Variants in PPP2R2B observed in about 807,000 individuals in gnomAD.
The protein encoded by PPP2R2B is protein phosphatase 2 regulatory subunit Bbeta, also known as serine/threonine-protein phosphatase 2A 55 kDa regulatory subunit B beta isoform.
In PPP2R2B, 5 loss-of-function variants were observed where a neutral mutation model predicts 46.0. The ratio of observed to expected loss-of-function variants is 0.11; its 90% CI spans 0.06 to 0.23. The LOEUF is 0.23. Ranked by LOEUF, PPP2R2B falls within the 10% of genes least tolerant of loss-of-function variation. PPP2R2B has a pLI of 1.00. For missense variants in PPP2R2B, 367 were observed against 575.0 expected, an observed-to-expected ratio of 0.64 and a Z score of 3.70; for synonymous variants, 215 against 206.7, an observed-to-expected ratio of 1.04 and a Z score of -0.34.
At chr5:146,807,476 T>C (rs967347254) in intron 2 of PPP2R2B, among the ~76,000 whole-genome samples, 1 of 152,328 alleles carries the variant, frequency 6.6e-6, no homozygotes, top group South Asian at 2.1e-4. Context: ...AAGATGATCA[T>C]ATTTCATATT....
At chr5:147,054,426 T>C (rs1247033017) in intron 1 of PPP2R2B, among the ~76,000 whole-genome samples, 1 of 152,148 alleles carries the variant, frequency 6.6e-6, no homozygotes, top group Non-Finnish European at 1.5e-5. Context: ...AGAAAAGATT[T>C]CTCAGTGGAC....
chr5:146,916,606 C>G (rs757014309), intron 1 of PPP2R2B, among the ~76,000 whole-genome samples: 1 of 152,140 alleles, frequency 6.6e-6, no homozygotes, highest in Non-Finnish European at 1.5e-5. Context: ...TATCCCACAA[C>G]TAAACTGTAT....
chr5:147,067,194 A>T lies in PPP2R2B; in HGVS notation c.50+13865T>A, dbSNP rs558093054. On this transcript the variant is annotated intron_variant, in intron 2 of 10. Transcript: ENST00000394413. ...TTATTTACTTATAAGAACACTAAAAATCTACTCAGCAATTTTCCAGTATAC... is the reference window on the plus strand; with the variant it reads ...TTATTTACTTATAAGAACACTAAAATTCTACTCAGCAATTTTCCAGTATAC... Among the ~76,000 whole-genome samples, 350 of 152,302 alleles carry T rather than the reference A, an allele frequency of 2.3e-3. 1 individual carries two copies. Among genetic ancestry groups the T allele is most frequent in the Middle Eastern group, 3.4e-3 (1 of 294 alleles).
chr5:146,777,333 C>T (rs752275298), intron 2 of PPP2R2B, among the ~76,000 whole-genome samples: 28 of 151,990 alleles, frequency 1.8e-4, no homozygotes, highest in Non-Finnish European at 3.2e-4. Flanking sequence ...CATGGATGAA[C>T]CTCAAAAACA....
intron 2 of PPP2R2B, among the ~76,000 whole-genome samples, chr5:146,748,374 A>T (rs1298911602): frequency 6.6e-6 from 1 of 152,162 alleles, no homozygotes; most frequent in African/African-American, 2.4e-5. Context: ...AACATTTTGC[A>T]AAACTATAGG....
chr5:146,753,389 G>A (rs914933336), intron 2 of PPP2R2B, among the ~76,000 whole-genome samples: 12 of 152,166 alleles, frequency 7.9e-5, no homozygotes, highest in African/African-American at 2.7e-4. Context: ...CACAGAGCAG[G>A]ACCTCAATAA....
chr5:146,899,089 A>G (rs576853115), intron 1 of PPP2R2B, among the ~76,000 whole-genome samples: 1 of 151,814 alleles, frequency 6.6e-6, no homozygotes, highest in South Asian at 2.1e-4. Flanking sequence ...ATCTAGAACT[A>G]GAAATACCAT....
At chr5:146,714,082 G>A (rs1300296959) in intron 2 of PPP2R2B, among the ~76,000 whole-genome samples, 3 of 152,074 alleles carry the variant, frequency 2.0e-5, no homozygotes, top group Non-Finnish European at 4.4e-5. Flanking sequence ...AAAAAGTTGG[G>A]GACAGAAGAA....
intron 5 of PPP2R2B, among the ~76,000 whole-genome samples, chr5:146,668,187 GATTA>G (rs66933047): frequency 0.76 from 115,886 of 151,660 alleles, 45,682 homozygotes; most frequent in Non-Finnish European, 0.86. Flanking sequence ...TAAAGAAAAC[GATTA>G]ATTCTCTAGC....
Position 146,905,522 on chromosome 5 carries a change from T to G in PPP2R2B, c.79+150143A>C, listed in dbSNP as rs372257452. ...ATCTCACCTTGACCTCCCAAAATGT[T>G]GGGATTAAAGACATGAGGCACTGTT... On this transcript the variant is annotated intron_variant, in intron 1 of 8. Coordinates refer to the PPP2R2B transcript ENST00000336640. Among the ~76,000 whole-genome samples the G allele has an allele frequency of 3.4e-3, 512 of 152,228 alleles. 3 individuals are homozygous for G. Among genetic ancestry groups the G allele is most frequent in the African/African-American group, 0.012 (504 of 41,532 alleles).
chr5:146,782,853 CAG>C (rs1003598825), intron 2 of PPP2R2B, among the ~76,000 whole-genome samples: 43 of 150,656 alleles, frequency 2.9e-4, no homozygotes, highest in African/African-American at 9.3e-4. Flanking sequence ...AGAGGAGAGA[CAG>C]AGAGAAACAG....
At chr5:147,040,096 C>A (rs1208275480) in intron 1 of PPP2R2B, among the ~76,000 whole-genome samples, 1 of 152,094 alleles carries the variant, frequency 6.6e-6, no homozygotes, top group Non-Finnish European at 1.5e-5. Context: ...AGTGAAGATG[C>A]CTTTCTTCTT....
intron 2 of PPP2R2B, among the ~76,000 whole-genome samples, chr5:146,774,434 C>T (rs1755050097): frequency 6.6e-6 from 1 of 151,872 alleles, no homozygotes; most frequent in South Asian, 2.1e-4. Context: ...CAAGGAAAAC[C>T]TCTCTAATGA....
At chr5:146,715,327 T>A (rs1407454863) in intron 2 of PPP2R2B, among the ~76,000 whole-genome samples, 1 of 152,170 alleles carries the variant, frequency 6.6e-6, no homozygotes, top group African/African-American at 2.4e-5. Context: ...TAAAGAAGAC[T>A]CACTGAAATT....
chr5:147,039,163 A>T (rs929195446), intron 1 of PPP2R2B, among the ~76,000 whole-genome samples: 1 of 152,090 alleles, frequency 6.6e-6, no homozygotes. Flanking sequence ...GCTCAAATGC[A>T]CCTCTTCAGA....
At chr5:146,899,539 G>A (rs972054868) in intron 1 of PPP2R2B, among the ~76,000 whole-genome samples, 1 of 151,488 alleles carries the variant, frequency 6.6e-6, no homozygotes, top group Non-Finnish European at 1.5e-5. Context: ...ATGAGTTAAT[G>A]GGTGCAGCAC....
At chr5:146,908,420 T>G (rs1028212551) in intron 1 of PPP2R2B, among the ~76,000 whole-genome samples, 2 of 152,202 alleles carry the variant, frequency 1.3e-5, no homozygotes, top group African/African-American at 4.8e-5. Context: ...AAATTAAATT[T>G]TTTTTTCTTT....
intron 2 of PPP2R2B, among the ~76,000 whole-genome samples, chr5:146,861,490 G>A (rs998243785): frequency 6.6e-6 from 1 of 152,106 alleles, no homozygotes; most frequent in East Asian, 1.9e-4. Context: ...CGCGCCCGTC[G>A]TCAAACTAAT....
chr5:146,644,757 T>G (rs1775464599), intron 6 of PPP2R2B, among the ~76,000 whole-genome samples: 1 of 152,218 alleles, frequency 6.6e-6, no homozygotes, highest in Non-Finnish European at 1.5e-5. Context: ...GAATTTTGAT[T>G]ATTAAACAAG....
Sources: allele counts gnomAD v4.1 joint callset (sites outside exome capture counted in the v4.1 genomes callset), GRCh38; gene constraint gnomAD v4.1.1; transcripts MANE v1.5; gene names NCBI Gene and HGNC (gene_info 2026-07-23, HGNC 2026-07-21).